Variants in CCDC171 observed in about 807,000 individuals in gnomAD.
CCDC171 encodes coiled-coil domain-containing protein 171.
CCDC171 carries 177 observed loss-of-function variants against 168.2 expected under a neutral mutation model. That is an observed-to-expected ratio of 1.05 (90% CI 0.93 to 1.19). The LOEUF is 1.19. Ranked by LOEUF, CCDC171 falls within the 50% of genes most tolerant of loss-of-function variation. The pLI, the probability that CCDC171 is intolerant of heterozygous loss-of-function variation, is 0.00. For missense variants in CCDC171, 1,991 were observed against 1,539.0 expected, an observed-to-expected ratio of 1.29 and a Z score of -4.91; for synonymous variants, 687 against 540.8, an observed-to-expected ratio of 1.27 and a Z score of -3.75.
At chr9:15,949,252 A>T (rs1314218914) in intron 25 of CCDC171, among the ~76,000 whole-genome samples, 1 of 152,162 alleles carries the variant, frequency 6.6e-6, no homozygotes, top group Non-Finnish European at 1.5e-5. Flanking sequence ...GAAGTCAGGT[A>T]GCATGATGCC....
chr9:15,565,016 TA>T (rs2039610765), intron 2 of CCDC171, among the ~76,000 whole-genome samples: 1 of 151,950 alleles, frequency 6.6e-6, no homozygotes. Flanking sequence ...GTGGGACAAG[TA>T]CCAAGACTAA....
chr9:16,051,130 A>G lies in CCDC171; in HGVS notation n.89+8244A>G, dbSNP rs1054032777. 2.2e-4 allele frequency among the ~76,000 whole-genome samples: 33 copies of G among 152,216 alleles called. 1 individual carries two copies. Among genetic ancestry groups the G allele is most frequent in the Admixed American group, 6.5e-4 (10 of 15,286 alleles). ...AAATAAATTCCCCTTAAAAACATAA[A>G]TAAATGTTTTTTAAATAATTTATAA... On this transcript the variant is annotated intron_variant and non_coding_transcript_variant, in intron 1 of 1. Coordinates refer to the CCDC171 transcript ENST00000478913.
Position 15,564,124 on chromosome 9 carries a change from C to A in CCDC171, c.36C>A (p.Thr12=). The A allele has an allele frequency of 6.2e-7, 1 of 1,607,260 alleles. No homozygotes were observed. The highest frequency in any genetic ancestry group is 8.5e-7 in the Non-Finnish European group (1 of 1,176,432). The change falls in exon 2 of 26, where the codon ACC becomes ACA. Residue 12 remains threonine (T), a synonymous_variant. Transcript: ENST00000380701. ...ATACTTCAAGTAATACTGGTGATACCCAAAGGTAAGCCTCTAGTCTCTTCT... is the reference window on the plus strand; with the variant it reads ...ATACTTCAAGTAATACTGGTGATACACAAAGGTAAGCCTCTAGTCTCTTCT... ...NLNTSSNTGD[T]QRLKIASLDV... is the part of the protein sequence containing the mutation.
chr9:15,566,010 C>G (rs750052928), intron 2 of CCDC171, among the ~76,000 whole-genome samples: 22 of 152,134 alleles, frequency 1.4e-4, no homozygotes, highest in Non-Finnish European at 3.2e-4. Flanking sequence ...TATAACCTGA[C>G]CAATACTGGT....
At chr9:15,622,219 A>G (rs1042386196) in intron 6 of CCDC171, among the ~76,000 whole-genome samples, 2 of 152,154 alleles carry the variant, frequency 1.3e-5, no homozygotes, top group Admixed American at 6.5e-5. Flanking sequence ...AATCTGTACA[A>G]CACATCCCTG....
rs571770821 is a variant in CCDC171, at chr9:16,019,241, G to GA, written n.369-1342dup. Among the ~76,000 whole-genome samples, 734 of 152,220 alleles carry GA rather than the reference G, an allele frequency of 4.8e-3. 4 individuals carry two copies. Among genetic ancestry groups the GA allele is most frequent in the Non-Finnish European group, 7.2e-3 (492 of 68,004 alleles). On this transcript the variant is annotated intron_variant and non_coding_transcript_variant, in intron 3 of 9. Transcript: ENST00000486641. ...TCTAAGAACCAAAGGCAGGTCCCTG[G>GA]AAAAAATATCCTTCAGATGCTGCTG... is the stretch of plus-strand genomic sequence containing the variant.
intron 21 of CCDC171, among the ~76,000 whole-genome samples, chr9:15,831,576 A>G (rs376004805): frequency 1.1e-4 from 16 of 152,326 alleles, no homozygotes; most frequent in Admixed American, 3.3e-4. Flanking sequence ...TTATAAGTCA[A>G]TGCTTTAGAA....
At chr9:16,081,390 C>T in the CCDC171 span, among the ~76,000 whole-genome samples, 71,050 of 152,034 alleles carry the variant, frequency 0.47, 18,885 homozygotes, top group African/African-American at 0.74. Context: ...CAACTATTGG[C>T]ACAGTGTTGG....
intron 25 of CCDC171, among the ~76,000 whole-genome samples, chr9:15,928,188 T>A (rs1468317466): frequency 6.6e-6 from 1 of 151,698 alleles, no homozygotes; most frequent in Non-Finnish European, 1.5e-5. Flanking sequence ...TAGTGGAGAA[T>A]ACAACCATTG....
chr9:15,782,355 C>T (rs971310517), intron 20 of CCDC171, among the ~76,000 whole-genome samples: 1 of 152,174 alleles, frequency 6.6e-6, no homozygotes, highest in Non-Finnish European at 1.5e-5. Flanking sequence ...TTTCACACAC[C>T]ATCTCTTTCT....
intron 18 of CCDC171, among the ~76,000 whole-genome samples, chr9:15,760,952 G>A (rs2056410283): frequency 6.6e-6 from 1 of 152,198 alleles, no homozygotes; most frequent in African/African-American, 2.4e-5. Context: ...AAACAGGGGA[G>A]AATGTTACTT....
chr9:15,978,853 T>C (rs1831700439), downstream of CCDC171, among the ~76,000 whole-genome samples: 1 of 152,194 alleles, frequency 6.6e-6, no homozygotes, highest in African/African-American at 2.4e-5. Context: ...ACATTTGTAT[T>C]ACCCCAAAGA....
chr9:15,664,568 A>ACACACACACACACACACACACACC (rs2048579003), intron 8 of CCDC171, among the ~76,000 whole-genome samples: 1 of 2,576 alleles, frequency 3.9e-4, no homozygotes, highest in Non-Finnish European at 1.3e-3. Flanking sequence ...TTAAATTTAT[A>ACACACACACACACACACACACACC]CACACACACA....
chr9:16,014,322 C>T (rs1368933710), intron 3 of CCDC171, among the ~76,000 whole-genome samples: 2 of 152,136 alleles, frequency 1.3e-5, no homozygotes, highest in African/African-American at 4.8e-5. Flanking sequence ...CTTCAGGTTC[C>T]GTTTCTAATT....
intron 7 of CCDC171, among the ~76,000 whole-genome samples, chr9:15,636,250 G>C (rs1466708466): frequency 6.6e-6 from 1 of 151,962 alleles, no homozygotes; most frequent in Non-Finnish European, 1.5e-5. Flanking sequence ...ATATGAACTT[G>C]GCAAGGATAA....
At chr9:15,945,979 G>A (rs1380595778) in intron 25 of CCDC171, among the ~76,000 whole-genome samples, 1 of 151,330 alleles carries the variant, frequency 6.6e-6, no homozygotes, top group Non-Finnish European at 1.5e-5. Flanking sequence ...GAATGGTAAT[G>A]CCTAGGTTTT....
intron 24 of CCDC171, among the ~76,000 whole-genome samples, chr9:15,904,492 A>T (rs960047202): frequency 1.3e-5 from 2 of 151,704 alleles, no homozygotes; most frequent in African/African-American, 4.8e-5. Context: ...TGTCACCACC[A>T]GGCCTGCCCT....
chr9:15,748,207 C>T (rs536813193), intron 18 of CCDC171, among the ~76,000 whole-genome samples: 17 of 151,648 alleles, frequency 1.1e-4, no homozygotes, highest in Admixed American at 7.2e-4. Flanking sequence ...TTTGATCAAG[C>T]GGAAGAAAGT....
At chr9:15,574,920 A>G (rs2040516537) in intron 3 of CCDC171, among the ~76,000 whole-genome samples, 1 of 152,204 alleles carries the variant, frequency 6.6e-6, no homozygotes, top group Non-Finnish European at 1.5e-5. Context: ...CAGGGAGAAG[A>G]ATTGCTTATA....
Sources: gnomAD v4.1 joint callset for allele counts (sites outside exome capture counted in the v4.1 genomes callset) on GRCh38, gnomAD v4.1.1 for gene constraint, MANE v1.5 for transcripts, NCBI Gene and HGNC (gene_info 2026-07-23, HGNC 2026-07-21) for gene names.